The following TTC28 variants were observed in gnomAD, a reference collection of about 807,000 sequenced individuals.
The protein encoded by TTC28 is tetratricopeptide repeat protein 28.
TTC28 carries 61 observed loss-of-function variants against 198.0 expected under a neutral mutation model. That is an observed-to-expected ratio of 0.31 (90% CI 0.25 to 0.38). The LOEUF is 0.38. Ranked by LOEUF, TTC28 falls within the 10% of genes least tolerant of loss-of-function variation. TTC28 has a pLI of 1.00. For missense variants in TTC28, 2,678 were observed against 3,164.0 expected (o/e 0.85, Z 3.69); for synonymous variants, 1,171 against 1,297.8 (o/e 0.90, Z 2.10).
In TTC28 at chr22:28,286,945, A is replaced by G. The variant is rs188579905; in HGVS notation, c.933+9253T>C. ...TGTTTATGGAATATAAGATTAAAAT[A>G]TATTTATAGATTCAATGCTAACCCA... On this transcript the variant is annotated intron_variant, in intron 5 of 22. Coordinates refer to ENST00000397906, the MANE Select transcript of TTC28 (RefSeq NM_001145418.2). 2.2e-4 allele frequency among the ~76,000 whole-genome samples: 34 copies of G among 152,268 alleles called. 1 individual carries two copies. The highest frequency in any genetic ancestry group is 3.7e-4 in the Non-Finnish European group (25 of 67,988).
chr22:28,036,334 C>G (rs942898778), intron 12 of TTC28, among the ~76,000 whole-genome samples: 3 of 152,230 alleles, frequency 2.0e-5, no homozygotes, highest in Non-Finnish European at 4.4e-5. Flanking sequence ...CACCACAGTG[C>G]AATCACATTA....
At chr22:28,379,442 T>G (rs2046462782) in intron 2 of TTC28, among the ~76,000 whole-genome samples, 1 of 152,172 alleles carries the variant, frequency 6.6e-6, no homozygotes, top group Admixed American at 6.5e-5. Context: ...TTATTCAGTT[T>G]TCAAAAGAAA....
In TTC28 at chr22:27,992,546, T is replaced by C. The variant is rs376020093; in HGVS notation, c.5553+41A>G. On this transcript the variant is annotated intron_variant, in intron 19 of 22. Coordinates refer to ENST00000397906, the MANE Select transcript of TTC28 (RefSeq NM_001145418.2). ...GTTGCTCTGCCTTTCCAAATCAGCA[T>C]GGGCCTCAGGCCCTGGCTCAGCCCT... The C allele has an allele frequency of 5.2e-6, 8 of 1,542,750 alleles. No homozygotes were observed. In the African/African-American group the frequency reaches 1.1e-4, roughly 21 times the overall value.
intron 5 of TTC28, among the ~76,000 whole-genome samples, chr22:28,166,570 C>T (rs955489976): frequency 6.6e-6 from 1 of 152,230 alleles, no homozygotes; most frequent in Non-Finnish European, 1.5e-5. Flanking sequence ...TCCTGAATGA[C>T]TACTGGGTAC....
intron 2 of TTC28, among the ~76,000 whole-genome samples, chr22:28,533,541 A>G (rs2049192960): frequency 6.6e-6 from 1 of 151,034 alleles, no homozygotes; most frequent in African/African-American, 2.4e-5. Flanking sequence ...CTTTCTTCAC[A>G]GAATTGGAAA....
At chr22:28,034,367 C>T (rs1306963689) in intron 12 of TTC28, among the ~76,000 whole-genome samples, 1 of 152,218 alleles carries the variant, frequency 6.6e-6, no homozygotes, top group Non-Finnish European at 1.5e-5. Context: ...TCCCAGTCTG[C>T]TTACGTTCCA....
chr22:28,273,714 T>C (rs1265776296), intron 5 of TTC28, among the ~76,000 whole-genome samples: 14 of 152,192 alleles, frequency 9.2e-5, no homozygotes, highest in Admixed American at 9.2e-4. Flanking sequence ...AATGTTCCAA[T>C]ACTAATGAAA....
At chr22:28,516,357 T>C (rs1312972208) in intron 2 of TTC28, among the ~76,000 whole-genome samples, 2 of 152,146 alleles carry the variant, frequency 1.3e-5, no homozygotes, top group African/African-American at 4.8e-5. Flanking sequence ...AGAATAATTC[T>C]GAAAAATCAA....
At chr22:28,633,465 C>CA (rs1047000071) in intron 1 of TTC28, among the ~76,000 whole-genome samples, 2 of 151,640 alleles carry the variant, frequency 1.3e-5, no homozygotes, top group African/African-American at 4.8e-5. Context: ...CCTGTCTCTA[C>CA]AAAAAAGACA....
chr22:28,578,326 G>T (rs1466465645), intron 2 of TTC28, among the ~76,000 whole-genome samples: 2 of 152,050 alleles, frequency 1.3e-5, no homozygotes, highest in Non-Finnish European at 2.9e-5. Flanking sequence ...TTGAAAAGTT[G>T]TAGCTATTAT....
At chr22:28,033,183 A>G (rs543016260) in intron 12 of TTC28, among the ~76,000 whole-genome samples, 2 of 152,282 alleles carry the variant, frequency 1.3e-5, no homozygotes, top group East Asian at 3.9e-4. Flanking sequence ...CTGAGCCCTC[A>G]GTATCTCCTG....
intron 2 of TTC28, among the ~76,000 whole-genome samples, chr22:28,378,658 CA>C (rs879547968): frequency 1.7e-4 from 24 of 139,760 alleles, no homozygotes; most frequent in South Asian, 2.3e-4. Context: ...AAAACAACAA[CA>C]AAAAAAAAAG....
chr22:28,399,316 T>C (rs134542), intron 2 of TTC28, among the ~76,000 whole-genome samples: 130,989 of 141,496 alleles, frequency 0.93, 60,640 homozygotes, highest in East Asian at 0.98. Flanking sequence ...AGACTAAAAC[T>C]GTTTTTTTTT....
At chr22:28,022,127 G>C (rs368513599) in intron 13 of TTC28, among the ~76,000 whole-genome samples, 3 of 152,344 alleles carry the variant, frequency 2.0e-5, no homozygotes, top group African/African-American at 7.2e-5. Flanking sequence ...GTGGCCTGAG[G>C]GGGAGCCCTC....
intron 20 of TTC28, among the ~76,000 whole-genome samples, chr22:27,990,385 G>A (rs1031204420): frequency 2.0e-5 from 3 of 152,216 alleles, no homozygotes; most frequent in South Asian, 4.1e-4. Context: ...GGTGGATGGC[G>A]AAGTGGAACC....
chr22:28,149,265 G>C (rs577877932), intron 6 of TTC28, among the ~76,000 whole-genome samples: 1 of 152,302 alleles, frequency 6.6e-6, no homozygotes, highest in Admixed American at 6.5e-5. Flanking sequence ...AAAACCACAG[G>C]CATGAATGGG....
At chr22:28,316,992 T>C (rs2045362929) in intron 2 of TTC28, among the ~76,000 whole-genome samples, 1 of 152,180 alleles carries the variant, frequency 6.6e-6, no homozygotes, top group South Asian at 2.1e-4. Flanking sequence ...TAGGCTGGTC[T>C]CAAACTTCTG....
At chr22:28,147,890 T>C (rs1029297940) in intron 6 of TTC28, among the ~76,000 whole-genome samples, 26 of 152,236 alleles carry the variant, frequency 1.7e-4, no homozygotes, top group African/African-American at 5.5e-4. Context: ...AGCTGTTATT[T>C]GAATATCTAG....
chr22:28,134,382 A>G (rs577517655), intron 6 of TTC28, among the ~76,000 whole-genome samples: 3 of 152,342 alleles, frequency 2.0e-5, no homozygotes, highest in South Asian at 2.1e-4. Context: ...GAGTTGAGAG[A>G]AGAAGGCGTC....
Sources: allele counts gnomAD v4.1 joint callset (sites outside exome capture counted in the v4.1 genomes callset), GRCh38; gene constraint gnomAD v4.1.1; transcripts MANE v1.5; gene names NCBI Gene and HGNC (gene_info 2026-07-23, HGNC 2026-07-21).